The following MTF2 variants were observed in gnomAD, a reference collection of about 807,000 sequenced individuals.
MTF2 encodes the protein metal-response element-binding transcription factor 2.
Under a neutral mutation model 79.5 loss-of-function variants are expected in MTF2, and 11 were observed. The ratio of observed to expected loss-of-function variants is 0.14; its 90% confidence interval spans 0.09 to 0.23. The LOEUF (loss-of-function observed/expected upper bound fraction) is 0.23. MTF2 is among the 10% of genes least tolerant of loss of function. The pLI is 1.00. For synonymous variants in MTF2, 208 were observed against 232.8 expected, an observed-to-expected ratio of 0.89 and a Z score of 0.97; for missense variants, 486 against 711.2, an observed-to-expected ratio of 0.68 and a Z score of 3.60.
chr1:93,120,171 A>T (rs932475466), intron 8 of MTF2: 3 of 154,532 alleles, frequency 1.9e-5, no homozygotes, highest in Non-Finnish European at 4.3e-5. Context: ...CTGTAATCCC[A>T]GCTACTCGGG....
At position 93,110,418 on chromosome 1, in the gene MTF2, C is replaced by T. The variant is rs371292695; in HGVS notation, c.194C>T (p.Thr65Ile). The T allele has an allele frequency of 1.2e-6, 2 of 1,614,122 alleles. No individual in the cohort carries two copies. Among genetic ancestry groups the T allele is most frequent in the South Asian group, 2.2e-5 (2 of 91,088 alleles). The change falls in exon 2 of 15, where the codon ACT becomes ATT. Residue 65 changes from threonine (T) to isoleucine (I), a missense_variant. By Grantham distance (89) the Thr-to-Ile change is moderately conservative. Coordinates refer to ENST00000370298, the MANE Select transcript of MTF2 (RefSeq NM_007358.4). Reference protein sequence around the residue: ...RWSDGLFYLGTIKKINILKQS... With the variant: ...RWSDGLFYLGIIKKINILKQS... Reference sequence around the variant, plus strand: ...TCAGATGGCTTGTTTTATCTTGGCACTATCAAAAAGGCAAGTTACTTTAAT... The same window carrying T: ...TCAGATGGCTTGTTTTATCTTGGCATTATCAAAAAGGCAAGTTACTTTAAT...
intron 1 of MTF2, among the ~76,000 whole-genome samples, chr1:93,091,985 G>A (rs1183032612): frequency 6.6e-6 from 1 of 152,132 alleles, no homozygotes; most frequent in Non-Finnish European, 1.5e-5. Context: ...TGGTTACTGG[G>A]ATGTCGTCTT....
intron 8 of MTF2, 74 bp downstream of exon 8, chr1:93,119,475 C>A: frequency 8.9e-7 from 1 of 1,121,328 alleles, no homozygotes; most frequent in Non-Finnish European, 1.3e-6. Context: ...TTTCTATATA[C>A]ATTTACTTGG....
rs892711676 is a variant in MTF2, at chr1:93,137,330, ATTAT to A, written c.*305_*308del. The A allele has an allele frequency of 1.2e-4, 25 of 209,070 alleles. No individual in the cohort carries two copies. The highest frequency in any genetic ancestry group is 4.8e-4 in the African/African-American group (21 of 43,586). 13.0% of individuals were successfully genotyped at this position (209,070 alleles called of 1,614,324 possible). On this transcript the variant is annotated 3_prime_UTR_variant, in exon 15 of 15. Coordinates refer to ENST00000370298, the MANE Select transcript of MTF2 (RefSeq NM_007358.4). ...TGCATGGTGTTAGACAATTTTTCTAATTATTCCATTGAGTCAGTTTTTTGTGATT... is the reference window on the plus strand; with the variant it reads ...TGCATGGTGTTAGACAATTTTTCTAATCCATTGAGTCAGTTTTTTGTGATT...
chr1:93,108,063 G>A (rs1049213929), intron 1 of MTF2, among the ~76,000 whole-genome samples: 1 of 152,312 alleles, frequency 6.6e-6, no homozygotes, highest in African/African-American at 2.4e-5. Context: ...CGTCAGCCAT[G>A]CTGCACCTGG....
chr1:93,096,432 A>T (rs1655289145), intron 1 of MTF2, among the ~76,000 whole-genome samples: 1 of 152,082 alleles, frequency 6.6e-6, no homozygotes, highest in Non-Finnish European at 1.5e-5. Context: ...GCTGCTTCCT[A>T]GACGTCATGA....
chr1:93,096,943 C>T (rs985410447), intron 1 of MTF2, among the ~76,000 whole-genome samples: 4 of 146,194 alleles, frequency 2.7e-5, no homozygotes, highest in Admixed American at 2.7e-4. Context: ...CCTGAGTAGT[C>T]GGGCCTGCAG....
chr1:93,132,940 T>C (rs1283870183), intron 11 of MTF2, among the ~76,000 whole-genome samples: 1 of 152,152 alleles, frequency 6.6e-6, no homozygotes, highest in Admixed American at 6.5e-5. Flanking sequence ...CTTTATATGG[T>C]AGCTATTGCT....
rs1162902075 is a variant in MTF2 at position 93,138,363 on chromosome 1, G to C, written c.*1336G>C. ...ATTCATTTTACTTTTAAAAGTGATT[G>C]GTGGATTTTAGACTAATTATGGGGG... On this transcript the variant is annotated 3_prime_UTR_variant, in exon 15 of 15. Transcript: ENST00000370298. 2 of 151,988 alleles carry C rather than the reference G, an allele frequency of 1.3e-5. No individual in the cohort carries two copies. The highest frequency in any genetic ancestry group is 2.9e-5 in the Non-Finnish European group (2 of 67,978). 9.4% of individuals were successfully genotyped at this position (151,988 alleles called of 1,614,324 possible).
At chr1:93,132,892 A>T (rs971284682) in intron 11 of MTF2, among the ~76,000 whole-genome samples, 2 of 152,134 alleles carry the variant, frequency 1.3e-5, no homozygotes, top group South Asian at 4.1e-4. Flanking sequence ...ACTCTTTAGC[A>T]CAGGGAACAC....
intron 1 of MTF2, among the ~76,000 whole-genome samples, chr1:93,090,187 A>G (rs1030204705): frequency 6.6e-6 from 1 of 152,164 alleles, no homozygotes; most frequent in African/African-American, 2.4e-5. Flanking sequence ...CGTGTTAGAC[A>G]GGATGGTCTC....
chr1:93,110,676 T>G, intron 3 of MTF2, 50 bp downstream of exon 3: 1 of 1,407,834 alleles, frequency 7.1e-7, no homozygotes, highest in Non-Finnish European at 1.0e-6. Context: ...AATTTGATTT[T>G]CTTCAACTTG....
At chr1:93,091,054 ACC>A (rs981786916) in intron 1 of MTF2, among the ~76,000 whole-genome samples, 1 of 152,060 alleles carries the variant, frequency 6.6e-6, no homozygotes, top group Non-Finnish European at 1.5e-5. Context: ...AACTTTTTTG[ACC>A]TTTTTGAGGA....
At chr1:93,098,231 C>T (rs1205118539) in intron 1 of MTF2, among the ~76,000 whole-genome samples, 2 of 152,204 alleles carry the variant, frequency 1.3e-5, no homozygotes, top group Admixed American at 1.3e-4. Context: ...ATCTCTGAAA[C>T]TACTACTCAT....
At chr1:93,104,407 G>A (rs528829209) in intron 1 of MTF2, among the ~76,000 whole-genome samples, 3 of 152,170 alleles carry the variant, frequency 2.0e-5, no homozygotes, top group East Asian at 1.9e-4. Context: ...TACCCCGGGC[G>A]CTGTGGCTCA....
intron 7 of MTF2, among the ~76,000 whole-genome samples, chr1:93,118,954 T>A (rs1294317552): frequency 2.0e-5 from 3 of 152,268 alleles, no homozygotes; most frequent in Non-Finnish European, 2.9e-5. Flanking sequence ...CTTAGGGAAG[T>A]TCACTTGTCT....
rs201224805 is a variant in MTF2 at position 93,102,125 on chromosome 1, TCC to T, written c.6-8102_6-8101del. On this transcript the variant is annotated intron_variant, in intron 1 of 14. Transcript: ENST00000370298. ...CTGAGTACCCAAAAGGAGTACTGAT[TCC>T]CCAATCAAAAAGTCTGTTTCTCATG... is the stretch of plus-strand genomic sequence containing the variant. 6.9e-3 allele frequency among the ~76,000 whole-genome samples: 1,051 copies of T among 152,292 alleles called. 12 individuals are homozygous for T. Among genetic ancestry groups the T allele is most frequent in the Middle Eastern group, 0.027 (8 of 294 alleles).
rs1382606086 is a variant in MTF2, at chr1:93,139,011, A to G, written c.*1984A>G. 1 of 152,146 alleles carries G rather than the reference A, an allele frequency of 6.6e-6. No individual in the cohort carries two copies. Among genetic ancestry groups the G allele is most frequent in the Non-Finnish European group, 1.5e-5 (1 of 68,012 alleles). The allele number at this position is 152,146 out of a possible 1,614,324, so 9.4% of individuals were successfully genotyped here. ...CACATGGCTCTGATGTTCAGTTTGT[A>G]TTTTTGGAATTGCTTTACTTAGAAA... On this transcript the variant is annotated 3_prime_UTR_variant, in exon 15 of 15. Transcript: ENST00000370298.
chr1:93,123,762 C>G (rs1261219305), intron 9 of MTF2, among the ~76,000 whole-genome samples: 1 of 63,612 alleles, frequency 1.6e-5, no homozygotes, highest in Non-Finnish European at 3.0e-5. Flanking sequence ...TGTATTGTGT[C>G]CCCCCCCCCT....
Sources: gnomAD v4.1 joint callset for allele counts (sites outside exome capture counted in the v4.1 genomes callset) on GRCh38, gnomAD v4.1.1 for gene constraint, MANE v1.5 for transcripts, NCBI Gene and HGNC (gene_info 2026-07-23, HGNC 2026-07-21) for gene names.